Variants in BRAT1 observed in about 807,000 individuals in gnomAD.
BRAT1 encodes the protein BRCA1 associated ATM activator 1.
A neutral mutation model predicts 70.6 loss-of-function variants in BRAT1; 74 were observed. That is an observed-to-expected ratio of 1.05 (90% CI 0.87 to 1.27). BRAT1 has a LOEUF of 1.27. Among genes scored for constraint, BRAT1 ranks in the 50% most tolerant of loss-of-function variants. BRAT1 has a pLI of 0.00. For missense variants in BRAT1, 1,203 were observed against 1,098.2 expected (o/e 1.10, Z -1.35); for synonymous variants, 615 against 517.1 (o/e 1.19, Z -2.57).
rs1292636431 is a variant in BRAT1 at position 2,538,475 on chromosome 7, G to A, written c.2060C>T (p.Pro687Leu). ...VALPEVAPAQ[P>L]LTEALRALCH... ...GAGAGCCCTCAGTGCCTCGGTGAGT[G>A]GCTGGGCTGGGGCCACCTCGGGTAG... The change falls in exon 14 of 14, where the codon CCA (proline) becomes CTA (leucine). Residue 687 changes from proline to leucine, a missense_variant. By Grantham distance (98) the Pro-to-Leu change is moderately conservative. Coordinates refer to ENST00000340611, the MANE Select transcript of BRAT1 (RefSeq NM_152743.4). 6.2e-7 allele frequency: 1 copy of A among 1,612,468 alleles called. No individual in the cohort carries two copies.
rs1430212633 is a variant in BRAT1 at position 2,543,436 on chromosome 7, C to T, written c.804-113G>A. 25 of 1,487,370 alleles carry T rather than the reference C, an allele frequency of 1.7e-5. No homozygotes were observed. The African/African-American group carries it at 2.5e-4, about 15-fold the overall frequency. The allele number at this position is 1,487,370 out of a possible 1,614,324, so 92.1% of individuals were successfully genotyped here. Reference sequence around the variant, plus strand: ...TGGAGGCGCCCAGCCCAAGACAGGCCTTTCCCCATGAGGGTTCCAGGGTCA... The same window carrying T: ...TGGAGGCGCCCAGCCCAAGACAGGCTTTTCCCCATGAGGGTTCCAGGGTCA... On this transcript the variant is annotated intron_variant, in intron 5 of 13. Transcript: ENST00000340611. This position sits in a 1 kb window ranked among gnomAD's most constrained non-coding sequence, Gnocchi z 5.5.
intron 2 of BRAT1, among the ~76,000 whole-genome samples, chr7:2,549,411 AG>A (rs1215615292): frequency 6.6e-6 from 1 of 152,190 alleles, no homozygotes; most frequent in Non-Finnish European, 1.5e-5. Context: ...CAGGAGGTCA[AG>A]GCTGCAGTGA....
At chr7:2,547,235 G>T in intron 3 of BRAT1, 89 bp downstream of exon 3, 1 of 1,519,382 alleles carries the variant, frequency 6.6e-7, no homozygotes, top group Non-Finnish European at 9.0e-7. Flanking sequence ...ACTTGGGATG[G>T]TGATGGCTAC....
chr7:2,551,527 T>TG (rs200192251), intron 2 of BRAT1, among the ~76,000 whole-genome samples: 6 of 148,974 alleles, frequency 4.0e-5, no homozygotes, highest in South Asian at 4.2e-4. Flanking sequence ...CTCATCTCTA[T>TG]GGGAAAAAAA....
At chr7:2,544,453 C>T (rs1472111645) in intron 4 of BRAT1, among the ~76,000 whole-genome samples, 2 of 152,224 alleles carry the variant, frequency 1.3e-5, no homozygotes, top group East Asian at 1.9e-4. Context: ...CCACCCGCCT[C>T]GGCCTCCCAA....
Position 2,538,144 on chromosome 7 carries a change from C to G in BRAT1, c.2391G>C (p.Lys797Asn), listed in dbSNP as rs1188652865. ...TGTCCTGCAGGAGGGACTGGGGACT[C>G]TTTTCCACGTGGTCGCTGCTCTCGG... Reference protein sequence around the residue: ...TLAESSDHVEKSPQSLLQDML... With the variant: ...TLAESSDHVENSPQSLLQDML... The change falls in exon 14 of 14, where the codon AAG becomes AAC. Residue 797 changes from lysine to asparagine, a missense_variant. Physicochemically the swap from Lys to Asn is moderately conservative, Grantham distance 94 (BLOSUM62 0). Transcript: ENST00000340611. The G allele has an allele frequency of 3.7e-6, 6 of 1,608,752 alleles. No homozygotes were observed. The highest frequency in any genetic ancestry group is 5.1e-6 in the Non-Finnish European group (6 of 1,176,884).
chr7:2,545,824 A>T (rs1358068274), intron 3 of BRAT1, among the ~76,000 whole-genome samples: 4 of 152,174 alleles, frequency 2.6e-5, no homozygotes, highest in African/African-American at 9.7e-5. Context: ...CTGACAGACA[A>T]GGGCCCCCGG....
intron 6 of BRAT1, 164 bp from the exon 7 acceptor site, chr7:2,542,375 T>C: frequency 3.1e-6 from 2 of 649,148 alleles, no homozygotes; most frequent in Non-Finnish European, 5.4e-6. Context: ...TGGGACAGAG[T>C]GGCGGGGAGG....
chr7:2,552,081 A>AACATATATATATATATATATATAT (rs1554298077), intron 2 of BRAT1, among the ~76,000 whole-genome samples: 2 of 23,384 alleles, frequency 8.6e-5, no homozygotes, highest in East Asian at 5.8e-3. Flanking sequence ...CATAGTCTTA[A>AACATATATATATATATATATATAT]ATATATATAT....
At chr7:2,545,731 C>A (rs1217731342) in intron 3 of BRAT1, among the ~76,000 whole-genome samples, 18 of 152,162 alleles carry the variant, frequency 1.2e-4, no homozygotes, top group Admixed American at 1.2e-3. Context: ...CTCAGGTGAT[C>A]CGCCTGCCTC....
chr7:2,550,953 G>GC (rs1326435498), intron 2 of BRAT1, among the ~76,000 whole-genome samples: 1 of 152,048 alleles, frequency 6.6e-6, no homozygotes, highest in Non-Finnish European at 1.5e-5. Flanking sequence ...CAATTATCAT[G>GC]CTTAGGTTGG....
At position 2,537,883 on chromosome 7, in the gene BRAT1, G is replaced by T; in HGVS notation, c.*186C>A. ...AAGACTTCAATGCCATTTATTTTGA[G>T]TAGAAATAAGTCATTTCTTTAATAC... On this transcript the variant is annotated 3_prime_UTR_variant, in exon 14 of 14. Transcript: ENST00000340611. The T allele has an allele frequency of 2.1e-6, 2 of 971,608 alleles. No individual in the cohort carries two copies. The highest frequency in any genetic ancestry group is 2.8e-6 in the Non-Finnish European group (2 of 719,720). 60.2% of individuals were successfully genotyped at this position (971,608 alleles called of 1,614,324 possible).
rs763005854 is a variant in BRAT1 at position 2,541,473 on chromosome 7, A to T, written c.1146T>A (p.Pro382=). The change falls in exon 9 of 14, where the codon CCT becomes CCA. Residue 382 remains proline (P), a synonymous_variant. Coordinates refer to ENST00000340611, the MANE Select transcript of BRAT1 (RefSeq NM_152743.4). ...GTAGAGACGCCTGGGGCCACGGTGAAGGGCGCTGGGGCTGCGAGGAAGAGG... is the reference window on the plus strand; with the variant it reads ...GTAGAGACGCCTGGGGCCACGGTGATGGGCGCTGGGGCTGCGAGGAAGAGG... ...LEELQPLPQR[P]SPWPQASLLG... is the part of the protein sequence containing the mutation. The T allele has an allele frequency of 1.9e-6, 3 of 1,547,494 alleles. No homozygotes were observed. The Admixed American group carries it at 6.0e-5, about 31-fold the overall frequency.
intron 6 of BRAT1, chr7:2,542,844 G>A (rs1356992888): frequency 1.7e-5 from 3 of 179,276 alleles, no homozygotes; most frequent in South Asian, 2.8e-4. Flanking sequence ...CCCCCCACCC[G>A]CATGGTGTGT....
In BRAT1 at chr7:2,543,961, A is replaced by G; in HGVS notation, c.432T>C (p.Gly144=). The G allele has an allele frequency of 6.4e-7, 1 of 1,561,336 alleles. No homozygotes were observed. The highest frequency in any genetic ancestry group is 8.7e-7 in the Non-Finnish European group (1 of 1,147,464). The part of the protein sequence containing the change: ...PSALRFLADH[G]AVDTIFSLQG... ...GCAGGGAGAAGATGGTGTCGACCGCACCTGGGTAGGGGATGGGGGAAGAGA... is the reference window on the plus strand; with the variant it reads ...GCAGGGAGAAGATGGTGTCGACCGCGCCTGGGTAGGGGATGGGGGAAGAGA... The change falls in exon 5 of 14, where the codon GGT becomes GGC. Residue 144 remains glycine, a splice_region_variant and synonymous_variant. Transcript: ENST00000340611. The surrounding 1 kb of genome is among the most constrained non-coding windows in gnomAD (Gnocchi z 5.5).
intron 2 of BRAT1, among the ~76,000 whole-genome samples, chr7:2,553,175 C>T (rs901498778): frequency 3.9e-5 from 6 of 152,082 alleles, no homozygotes; most frequent in Admixed American, 2.6e-4. Flanking sequence ...GGGATTACGG[C>T]GCATGCCACC....
At chr7:2,544,392 G>C (rs899797971) in intron 4 of BRAT1, 3 of 168,744 alleles carry the variant, frequency 1.8e-5, no homozygotes, top group African/African-American at 2.4e-5. Flanking sequence ...CGTAGAGACA[G>C]GGTTTCACCA....
intron 8 of BRAT1, 110 bp downstream of exon 8, chr7:2,541,608 G>A (rs1049743719): frequency 8.9e-6 from 13 of 1,453,612 alleles, no homozygotes; most frequent in Admixed American, 4.3e-5. Flanking sequence ...CACTGCTGGC[G>A]TGGATGCAAG....
chr7:2,545,192 C>G (rs1330866406), intron 3 of BRAT1, 136 bp from the exon 4 acceptor site: 1 of 988,578 alleles, frequency 1.0e-6, no homozygotes, highest in Non-Finnish European at 1.4e-6. Flanking sequence ...GGTGAAACCC[C>G]ATCTCTACTA....
Sources: gnomAD v4.1 joint callset for allele counts (sites outside exome capture counted in the v4.1 genomes callset) on GRCh38, gnomAD v4.1.1 for gene constraint, Gnocchi (gnomAD v3.1) non-coding constraint, MANE v1.5 for transcripts, NCBI Gene and HGNC (gene_info 2026-07-23, HGNC 2026-07-21) for gene names.